The following TNRC6B variants were observed in gnomAD, a reference collection of about 807,000 sequenced individuals.
The protein encoded by TNRC6B is trinucleotide repeat-containing gene 6B protein.
Under a neutral mutation model 203.6 loss-of-function variants are expected in TNRC6B, and 52 were observed. The observed-to-expected ratio is 0.26, with a 90% CI of 0.20 to 0.32. TNRC6B has a LOEUF of 0.32. Ranked by LOEUF, TNRC6B falls within the 10% of genes least tolerant of loss-of-function variation. TNRC6B has a pLI of 1.00. For synonymous variants in TNRC6B, 838 were observed against 845.7 expected (o/e 0.99, Z 0.16); for missense variants, 1,923 against 2,286.2 (o/e 0.84, Z 3.24).
rs568524503 is a variant in TNRC6B at position 40,326,701 on chromosome 22, G to T, written c.*3460G>T. The T allele has an allele frequency of 6.6e-6, 1 of 152,660 alleles. No homozygotes were observed. Among genetic ancestry groups the T allele is most frequent in the African/African-American group, 2.4e-5 (1 of 41,530 alleles). 9.5% of individuals were successfully genotyped at this position (152,660 alleles called of 1,614,324 possible). A position where few individuals can be genotyped will look rare whatever the true frequency, so the allele number is the denominator to read the frequency against. On this transcript the variant is annotated 3_prime_UTR_variant, in exon 23 of 23. Transcript: ENST00000454349. ...AAAAAAAAAAGTAATCTGTAAAATAGTACAGTTGGATTGCTGAGAATCTAT... is the reference window on the plus strand; with the variant it reads ...AAAAAAAAAAGTAATCTGTAAAATATTACAGTTGGATTGCTGAGAATCTAT...
chr22:40,050,828 GT>G (rs796181578), intron 1 of TNRC6B, among the ~76,000 whole-genome samples: 6,539 of 141,036 alleles, frequency 0.046, 395 homozygotes, highest in African/African-American at 0.15. Flanking sequence ...TTGTTTTTGG[GT>G]TTTTTTTTTT....
intron 1 of TNRC6B, among the ~76,000 whole-genome samples, chr22:40,056,995 G>A (rs1320530563): frequency 6.6e-6 from 1 of 152,118 alleles, no homozygotes; most frequent in African/African-American, 2.4e-5. Flanking sequence ...AACAGAGTAA[G>A]AAGTCGTCAT....
intron 4 of TNRC6B, among the ~76,000 whole-genome samples, chr22:40,160,057 C>T (rs2068858028): frequency 6.6e-6 from 1 of 152,188 alleles, no homozygotes; most frequent in Non-Finnish European, 1.5e-5. Flanking sequence ...CCCAAGCAGT[C>T]CTCCTGCCTC....
intron 1 of TNRC6B, among the ~76,000 whole-genome samples, chr22:40,245,627 T>G (rs1375245739): frequency 2.0e-5 from 3 of 152,210 alleles, no homozygotes; most frequent in Non-Finnish European, 4.4e-5. Context: ...TAATATATTC[T>G]GCATTATCTG....
At chr22:40,187,971 G>GC (rs1485883481) in intron 1 of TNRC6B, among the ~76,000 whole-genome samples, 1 of 152,176 alleles carries the variant, frequency 6.6e-6, no homozygotes, top group Non-Finnish European at 1.5e-5. Flanking sequence ...TGTAGTCCCA[G>GC]CACTTTGGGA....
intron 1 of TNRC6B, among the ~76,000 whole-genome samples, chr22:40,095,109 G>A (rs2068177647): frequency 1.3e-5 from 2 of 152,150 alleles, no homozygotes; most frequent in Non-Finnish European, 2.9e-5. Flanking sequence ...CCACAAAGAA[G>A]TTGACTACTC....
intron 3 of TNRC6B, among the ~76,000 whole-genome samples, chr22:40,153,592 T>A (rs933503006): frequency 6.6e-6 from 1 of 151,614 alleles, no homozygotes; most frequent in East Asian, 1.9e-4. Flanking sequence ...GTGGTAATTA[T>A]TAGTTCCAGG....
At chr22:40,299,068 C>A (rs1365311076) in intron 12 of TNRC6B, among the ~76,000 whole-genome samples, 4 of 150,984 alleles carry the variant, frequency 2.6e-5, no homozygotes, top group Non-Finnish European at 5.9e-5. Flanking sequence ...TTGAGACCAG[C>A]CGGGAGGTCA....
At chr22:40,243,009 C>T (rs781130694) in intron 1 of TNRC6B, among the ~76,000 whole-genome samples, 4 of 152,136 alleles carry the variant, frequency 2.6e-5, no homozygotes, top group African/African-American at 4.8e-5. Context: ...GCTGAGACTA[C>T]AGGCGTGTGC....
At position 40,222,728 on chromosome 22, in the gene TNRC6B, C is replaced by CTTTTTTTTTTTTT. The variant is rs61374373; in HGVS notation, c.6-23266_6-23254dup. Among the ~76,000 whole-genome samples, 257 of 40,216 alleles carry CTTTTTTTTTTTTT rather than the reference C, an allele frequency of 6.4e-3. 34 individuals carry two copies. The highest frequency in any genetic ancestry group is 9.8e-3 in the Admixed American group (22 of 2,240). 26.4% of individuals were successfully genotyped at this position (40,216 alleles called of 152,430 possible). A position where few individuals can be genotyped will look rare whatever the true frequency, so the allele number is the denominator to read the frequency against. On this transcript the variant is annotated intron_variant, in intron 1 of 22. Transcript: ENST00000454349. The stretch of plus-strand genomic sequence containing the variant: ...ATCTTGCTGTATTCTCTCTCTCTCT[C>CTTTTTTTTTTTTT]TTTTTTTTTTTTTTTTTTTTTTTTT...
chr22:40,184,749 G>A (rs1281957302), intron 1 of TNRC6B, among the ~76,000 whole-genome samples: 1 of 152,172 alleles, frequency 6.6e-6, no homozygotes. Context: ...TGGTCATTGG[G>A]TATGAGAAGA....
intron 21 of TNRC6B, among the ~76,000 whole-genome samples, chr22:40,319,238 A>G (rs1205050651): frequency 6.6e-6 from 1 of 151,672 alleles, no homozygotes; most frequent in Non-Finnish European, 1.5e-5. Flanking sequence ...AGCCTGGGTG[A>G]CAGAAGAGTG....
At chr22:40,178,457 T>C (rs1412690295) in intron 1 of TNRC6B, among the ~76,000 whole-genome samples, 1 of 152,204 alleles carries the variant, frequency 6.6e-6, no homozygotes, top group African/African-American at 2.4e-5. Flanking sequence ...AAGAGGTTTT[T>C]AAAAAACACA....
chr22:40,172,887 G>C (rs561845996), intron 4 of TNRC6B, among the ~76,000 whole-genome samples: 2 of 152,158 alleles, frequency 1.3e-5, no homozygotes, highest in East Asian at 1.9e-4. Flanking sequence ...GTTGATTTTG[G>C]TAACTTCTGT....
chr22:40,244,976 T>G (rs994208177), intron 1 of TNRC6B, among the ~76,000 whole-genome samples: 1 of 152,270 alleles, frequency 6.6e-6, no homozygotes, highest in Admixed American at 6.5e-5. Context: ...TGTTTATGAT[T>G]GTATACCATT....
chr22:40,256,563 A>G (rs2070281242), intron 3 of TNRC6B, among the ~76,000 whole-genome samples: 1 of 152,212 alleles, frequency 6.6e-6, no homozygotes, highest in Non-Finnish European at 1.5e-5. Context: ...CAGGAAATTC[A>G]TATTTCACTG....
In TNRC6B at chr22:40,264,769, C is replaced by G. The variant is rs201784383; in HGVS notation, c.539C>G (p.Ser180Cys). 4 of 1,613,636 alleles carry G rather than the reference C, an allele frequency of 2.5e-6. No individual in the cohort carries two copies. The East Asian group carries it at 8.9e-5, about 36-fold the overall frequency. ...GSGASSNNGT[S>C]PNPIHIWDKV... Reference sequence around the variant, plus strand: ...GGAGCCTCCTCCAACAACGGCACCTCCCCCAACCCAATTCACATCTGGGAC... The same window carrying G: ...GGAGCCTCCTCCAACAACGGCACCTGCCCCAACCCAATTCACATCTGGGAC... Residue 180 changes from serine (S) to cysteine (C), a missense_variant, in exon 5 of 23, where the codon TCC becomes TGC. Transcript: ENST00000454349.
At position 40,266,532 on chromosome 22, in the gene TNRC6B, C is replaced by T. The variant is rs1230980597; in HGVS notation, c.2302C>T (p.Pro768Ser). The T allele has an allele frequency of 3.7e-6, 6 of 1,613,672 alleles. No homozygotes were observed. Among genetic ancestry groups the T allele is most frequent in the African/African-American group, 1.3e-5 (1 of 74,896 alleles). Reference protein sequence around the residue: ...NSNWESSASKPVSGWGEGGQN... With the variant: ...NSNWESSASKSVSGWGEGGQN... The stretch of plus-strand genomic sequence containing the variant: ...CAATTGGGAAAGTTCTGCAAGTAAA[C>T]CTGTGTCTGGGTGGGGTGAAGGAGG... The change falls in exon 5 of 23, where the codon CCT (proline) becomes TCT (serine). Residue 768 changes from proline (P) to serine (S), a missense_variant. Transcript: ENST00000454349.
At position 40,299,039 on chromosome 22, in the gene TNRC6B, A is replaced by G. The variant is rs111593118; in HGVS notation, c.3709-1416A>G. On this transcript the variant is annotated intron_variant, in intron 12 of 22. Coordinates refer to ENST00000454349, the MANE Select transcript of TNRC6B (RefSeq NM_001162501.2). ...CTTGTAATCACAACACTTTGAGAGG[A>G]TGGCTTGAGCCCAGGAGTTTGAGAC... 2.2e-4 allele frequency among the ~76,000 whole-genome samples: 32 copies of G among 148,426 alleles called. 1 individual carries two copies. Among genetic ancestry groups the G allele is most frequent in the African/African-American group, 7.7e-4 (31 of 40,326 alleles).
Sources: allele counts gnomAD v4.1 joint callset (sites outside exome capture counted in the v4.1 genomes callset), GRCh38; gene constraint gnomAD v4.1.1; transcripts MANE v1.5; gene names NCBI Gene and HGNC (gene_info 2026-07-23, HGNC 2026-07-21).